Variants in GANC observed in about 807,000 individuals in gnomAD.
GANC encodes glucosidase alpha, neutral C.
Under a neutral mutation model 124.2 loss-of-function variants are expected in GANC, and 117 were observed. The observed-to-expected ratio is 0.94, with a 90% CI of 0.81 to 1.10. The LOEUF is 1.10. Among genes scored for constraint, GANC ranks in the 50% least tolerant of loss-of-function variants. GANC has a pLI of 0.00. For missense variants in GANC, 1,140 were observed against 1,095.0 expected, an observed-to-expected ratio of 1.04 and a Z score of -0.58; for synonymous variants, 377 against 376.8, an observed-to-expected ratio of 1.00 and a Z score of -0.01.
rs768739909 is a variant in GANC, at chr15:42,321,837, G to C, written c.1110G>C (p.Trp370Cys). Reference protein sequence around the residue: ...LFSLGYHQCRWNYEDEQDVKA... With the variant: ...LFSLGYHQCRCNYEDEQDVKA... ...CTTTGGGATACCACCAGTGCCGCTG[G>C]AACTATGAAGATGAGCAGGATGTAA... Residue 370 changes from tryptophan to cysteine, a missense_variant, in exon 11 of 24, where the codon TGG becomes TGC. Trp to Cys is a radical substitution (Grantham distance 215). Coordinates refer to ENST00000318010, the MANE Select transcript of GANC (RefSeq NM_198141.3). The C allele has an allele frequency of 6.2e-7, 1 of 1,614,204 alleles. No homozygotes were observed. The highest frequency in any genetic ancestry group is 8.5e-7 in the Non-Finnish European group (1 of 1,180,022).
At chr15:42,314,774 G>A (rs1223652071) in intron 10 of GANC, 1 of 152,216 alleles carries the variant, frequency 6.6e-6, no homozygotes, top group Admixed American at 6.5e-5. Flanking sequence ...ATGAATGACA[G>A]TGATATTAAA....
intron 10 of GANC, among the ~76,000 whole-genome samples, chr15:42,320,603 C>T (rs1200417208): frequency 1.5e-4 from 23 of 151,948 alleles, no homozygotes; most frequent in African/African-American, 4.8e-4. Flanking sequence ...TGCCCGCCAC[C>T]ACACCTGGAT....
At chr15:42,341,530 A>G (rs1306243382) in intron 18 of GANC, among the ~76,000 whole-genome samples, 1 of 151,714 alleles carries the variant, frequency 6.6e-6, no homozygotes, top group Non-Finnish European at 1.5e-5. Flanking sequence ...GGCTAAATAT[A>G]CTGTTCCCCA....
intron 6 of GANC, among the ~76,000 whole-genome samples, chr15:42,297,967 T>C (rs777368676): frequency 6.6e-6 from 1 of 152,132 alleles, no homozygotes; most frequent in Non-Finnish European, 1.5e-5. Flanking sequence ...TCATGGAAAT[T>C]AGAATCTATT....
intron 10 of GANC, chr15:42,313,804 A>C (rs1170050175): frequency 2.1e-6 from 1 of 482,886 alleles, no homozygotes. Flanking sequence ...ACAGTGGCTC[A>C]CGCCTGTAAT....
intron 17 of GANC, 145 bp downstream of exon 17, chr15:42,340,057 G>C (rs1167331916): frequency 2.4e-5 from 27 of 1,116,008 alleles, no homozygotes; most frequent in African/African-American, 4.7e-5. Flanking sequence ...TAAGCTTATT[G>C]AGCAGCGCGG....
chr15:42,352,197 C>T lies in GANC; in HGVS notation c.*58C>T. ...CCTGCCTGCCCCTTTCAACCTTTCCCCTCACCTTTTTTGAGATTTTTGCTG... is the reference window on the plus strand; with the variant it reads ...CCTGCCTGCCCCTTTCAACCTTTCCTCTCACCTTTTTTGAGATTTTTGCTG... On this transcript the variant is annotated 3_prime_UTR_variant, in exon 24 of 24. Coordinates refer to ENST00000318010, the MANE Select transcript of GANC (RefSeq NM_198141.3). The T allele has an allele frequency of 1.3e-6, 2 of 1,594,006 alleles. No individual in the cohort carries two copies. The highest frequency in any genetic ancestry group is 2.3e-5 in the South Asian group (2 of 88,428).
At chr15:42,324,479 C>T (rs1461999256) in intron 11 of GANC, among the ~76,000 whole-genome samples, 1 of 152,158 alleles carries the variant, frequency 6.6e-6, no homozygotes, top group Non-Finnish European at 1.5e-5. Context: ...GATATTTATA[C>T]ACCCATGTTT....
At chr15:42,330,987 CAG>C (rs912958123) in intron 15 of GANC, among the ~76,000 whole-genome samples, 1 of 151,876 alleles carries the variant, frequency 6.6e-6, no homozygotes, top group Non-Finnish European at 1.5e-5. Context: ...TTGGTAGAGA[CAG>C]GGTTTCACCA....
At chr15:42,335,903 C>G (rs965969802) in intron 15 of GANC, among the ~76,000 whole-genome samples, 1 of 152,120 alleles carries the variant, frequency 6.6e-6, no homozygotes. Context: ...AGGAATACAG[C>G]TAACCAGCGA....
chr15:42,319,191 C>T (rs1352083008), intron 10 of GANC, among the ~76,000 whole-genome samples: 1 of 151,956 alleles, frequency 6.6e-6, no homozygotes, highest in Non-Finnish European at 1.5e-5. Context: ...TCATTTTATG[C>T]AAAGCAATGG....
At position 42,348,108 on chromosome 15, in the gene GANC, A is replaced by G. The variant is rs144637274; in HGVS notation, c.2310A>G (p.Pro770=). The part of the protein sequence containing the change: ...VKIPVALDTI[P]VFQRGGSVIP... Reference sequence around the variant, plus strand: ...AGCGTGCTGCTCTGTTACAGATTCCAGTGTTTCAGCGAGGTGGAAGTGTGA... The same window carrying G: ...AGCGTGCTGCTCTGTTACAGATTCCGGTGTTTCAGCGAGGTGGAAGTGTGA... Residue 770 remains proline, a synonymous_variant, in exon 21 of 24, where the codon CCA becomes CCG. Coordinates refer to ENST00000318010, the MANE Select transcript of GANC (RefSeq NM_198141.3). The G allele has an allele frequency of 2.5e-6, 4 of 1,598,452 alleles. No homozygotes were observed. The African/African-American group carries it at 4.0e-5, about 16-fold the overall frequency.
intron 10 of GANC, among the ~76,000 whole-genome samples, chr15:42,312,506 C>T (rs555412535): frequency 1.3e-5 from 2 of 152,332 alleles, no homozygotes; most frequent in South Asian, 4.1e-4. Flanking sequence ...TGAGGCTTCC[C>T]CAGACATGTA....
chr15:42,314,597 A>G (rs2052086718), intron 10 of GANC: 1 of 166,822 alleles, frequency 6.0e-6, no homozygotes, highest in African/African-American at 2.4e-5. Context: ...GAATCAGTTA[A>G]TAAGGGTATC....
chr15:42,281,003 C>T (rs774385392), intron 3 of GANC: 1 of 702,510 alleles, frequency 1.4e-6, no homozygotes, highest in South Asian at 1.5e-5. Context: ...AGGATCTCAG[C>T]ACAAGACAGC....
intron 10 of GANC, among the ~76,000 whole-genome samples, chr15:42,320,240 A>G (rs377555972): frequency 6.6e-6 from 1 of 152,186 alleles, no homozygotes; most frequent in African/African-American, 2.4e-5. Flanking sequence ...AGTATTTCAG[A>G]TTTTGGATTT....
At chr15:42,320,362 T>A (rs2052145655) in intron 10 of GANC, among the ~76,000 whole-genome samples, 1 of 152,176 alleles carries the variant, frequency 6.6e-6, no homozygotes, top group Non-Finnish European at 1.5e-5. Flanking sequence ...TTTTGATATT[T>A]ACTTTGGTTC....
rs1243997028 is a variant in GANC, at chr15:42,351,425, C to G, written c.2628C>G (p.His876Gln). The change falls in exon 23 of 24, where the codon CAC (histidine) becomes CAG (glutamine). Residue 876 changes from histidine (H) to glutamine (Q), a missense_variant. Coordinates refer to ENST00000318010, the MANE Select transcript of GANC (RefSeq NM_198141.3). ...AGGAGCCATCTTCTGTGACTACCCA[C>G]TCATCTGGTGAGAAAGCAGTCCATT... ...FRKEPSSVTT[H>Q]SSDGKDQPVA... The G allele has an allele frequency of 6.2e-7, 1 of 1,609,946 alleles. No homozygotes were observed. Among genetic ancestry groups the G allele is most frequent in the Non-Finnish European group, 8.5e-7 (1 of 1,176,252 alleles).
In GANC at chr15:42,349,308, C is replaced by G. The variant is rs886284817; in HGVS notation, c.2419-75C>G. ...TCACAAACTTTTTACTCTGTTGTTACCCTTTAGGAGCTGACATTCTTTTCC... is the reference window on the plus strand; with the variant it reads ...TCACAAACTTTTTACTCTGTTGTTAGCCTTTAGGAGCTGACATTCTTTTCC... On this transcript the variant is annotated intron_variant, in intron 21 of 23. Transcript: ENST00000318010. 4 of 926,538 alleles carry G rather than the reference C, an allele frequency of 4.3e-6. No individual in the cohort carries two copies. The African/African-American group carries it at 4.9e-5, about 11-fold the overall frequency. The allele number at this position is 926,538 out of a possible 1,614,324, so 57.4% of individuals were successfully genotyped here.
Sources: gnomAD v4.1 joint callset for allele counts (sites outside exome capture counted in the v4.1 genomes callset) on GRCh38, gnomAD v4.1.1 for gene constraint, MANE v1.5 for transcripts, NCBI Gene and HGNC (gene_info 2026-07-23, HGNC 2026-07-21) for gene names.